Variants in PRKCSH observed in about 807,000 individuals in gnomAD.
PRKCSH encodes glucosidase 2 subunit beta.
Under a neutral mutation model 79.7 loss-of-function variants are expected in PRKCSH, and 42 were observed. The ratio of observed to expected loss-of-function variants is 0.53; its 90% CI spans 0.41 to 0.68. The LOEUF is 0.68. PRKCSH is among the 30% of genes least tolerant of loss of function. The probability of loss-of-function intolerance (pLI) is 0.00; values close to 1 mark genes in which losing one functional copy is unlikely to be tolerated. For synonymous variants in PRKCSH, 325 were observed against 288.2 expected (o/e 1.13, Z -1.29); for missense variants, 686 against 709.0 (o/e 0.97, Z 0.37).
chr19:11,449,490 G>T lies in PRKCSH; in HGVS notation c.*16+62G>T. 1 of 1,604,060 alleles carries T rather than the reference G, an allele frequency of 6.2e-7. No individual in the cohort carries two copies. Among genetic ancestry groups the T allele is most frequent in the South Asian group, 1.1e-5 (1 of 90,740 alleles). ...GCAAGGGGAGGCGGCGGGCCCTGAG[G>T]AAGATGGACCCACATGGCCACTCTA... On this transcript the variant is annotated intron_variant, in intron 17 of 17. Transcript: ENST00000677123. The surrounding 1 kb of genome is among the most constrained non-coding windows in gnomAD (Gnocchi z 6.4).
chr19:11,436,344 A>T (rs1464019111), intron 2 of PRKCSH, 45 bp from the exon 3 acceptor site: 1 of 1,593,280 alleles, frequency 6.3e-7, no homozygotes. Context: ...TATTTGGTGG[A>T]GAAGGCGCTT....
At chr19:11,443,544 C>CAA (rs1209714150) in intron 7 of PRKCSH, among the ~76,000 whole-genome samples, 3 of 103,516 alleles carry the variant, frequency 2.9e-5, no homozygotes, top group Non-Finnish European at 4.1e-5. Flanking sequence ...GACTCCGTCT[C>CAA]AAAAAAAAAA....
rs200168017 is a variant in PRKCSH, at chr19:11,445,418, G to A, written c.628G>A (p.Glu210Lys). Residue 210 changes from glutamate (E) to lysine (K), a missense_variant, in exon 8 of 18, where the codon GAG (glutamate) becomes AAG (lysine). By Grantham distance (56) the Glu-to-Lys change is moderately conservative. Around this residue, in one of 2 missense-constraint regions of PRKCSH, gnomAD observed 549 missense variants for 520.2 expected, o/e 1.06. Transcript: ENST00000677123. ...EQLAAAKAQQEQELAADAFKE... is the reference protein window; with the variant it reads ...EQLAAAKAQQKQELAADAFKE... ...GCTGGCTGCTGCCAAGGCCCAACAG[G>A]AGCAGGAGCTGGCGGCTGATGCCTT... is the stretch of plus-strand genomic sequence containing the variant. 716 of 1,614,078 alleles carry A rather than the reference G, an allele frequency of 4.4e-4. 2 individuals carry two copies. The Middle Eastern group carries it at 9.2e-3, about 21-fold the overall frequency.
At position 11,450,709 on chromosome 19, in the gene PRKCSH, G is replaced by T. The variant is rs1970577357; in HGVS notation, c.*80G>T. 6.6e-6 allele frequency: 1 copy of T among 152,370 alleles called. No homozygotes were observed. Among genetic ancestry groups the T allele is most frequent in the Admixed American group, 6.5e-5 (1 of 15,290 alleles). 9.4% of individuals were successfully genotyped at this position (152,370 alleles called of 1,614,324 possible). On this transcript the variant is annotated 3_prime_UTR_variant, in exon 18 of 18. Coordinates refer to ENST00000677123, the MANE Select transcript of PRKCSH (RefSeq NM_001289104.2). ...TCCACCCGCCCCTCTGGGCCTGCCTGTGGCTCTGTTGCCCTCCTCTGTGGC... is the reference window on the plus strand; with the variant it reads ...TCCACCCGCCCCTCTGGGCCTGCCTTTGGCTCTGTTGCCCTCCTCTGTGGC...
At chr19:11,446,733 C>T (rs1284731955) in intron 9 of PRKCSH, among the ~76,000 whole-genome samples, 2 of 152,046 alleles carry the variant, frequency 1.3e-5, no homozygotes, top group Non-Finnish European at 2.9e-5. Flanking sequence ...TGGGTTTCTC[C>T]CTCTCCATCT....
rs751371447 is a variant in PRKCSH, at chr19:11,447,431, C to T, written c.850-8C>T. On this transcript the variant is annotated splice_polypyrimidine_tract_variant and splice_region_variant and intron_variant, in intron 10 of 17. Coordinates refer to ENST00000677123, the MANE Select transcript of PRKCSH (RefSeq NM_001289104.2). The surrounding 1 kb of genome is among the most constrained non-coding windows in gnomAD (Gnocchi z 5.6). ...TCCACAACACCGACCGCACTGCTCACCCGCCAGGCACTGCCCACCGACCTT... is the reference window on the plus strand; with the variant it reads ...TCCACAACACCGACCGCACTGCTCATCCGCCAGGCACTGCCCACCGACCTT... 1 of 1,613,748 alleles carries T rather than the reference C, an allele frequency of 6.2e-7. No individual in the cohort carries two copies. Among genetic ancestry groups the T allele is most frequent in the Non-Finnish European group, 8.5e-7 (1 of 1,179,942 alleles).
At chr19:11,443,084 A>G (rs988361749) in intron 7 of PRKCSH, among the ~76,000 whole-genome samples, 1 of 151,954 alleles carries the variant, frequency 6.6e-6, no homozygotes, top group East Asian at 1.9e-4. Flanking sequence ...CATTTTTCCT[A>G]TCAGGTGTTT....
Position 11,447,878 on chromosome 19 carries a change from C to A in PRKCSH, c.1126+89C>A. 2.1e-6 allele frequency: 3 copies of A among 1,396,240 alleles called. No homozygotes were observed. The highest frequency in any genetic ancestry group is 2.9e-6 in the Non-Finnish European group (3 of 1,036,340). The allele number at this position is 1,396,240 out of a possible 1,614,324, so 86.5% of individuals were successfully genotyped here. On this transcript the variant is annotated intron_variant, in intron 12 of 17. Transcript: ENST00000677123. This position sits in a 1 kb window ranked among gnomAD's most constrained non-coding sequence, Gnocchi z 5.6. ...GTCGAGGGAAGATCCTGAGCTTAGA[C>A]CCTGCTCTGACTCGGCCAGCACAAG...
At position 11,449,421 on chromosome 19, in the gene PRKCSH, G is replaced by A. The variant is rs1461642771; in HGVS notation, c.*9G>A. 1 of 1,612,954 alleles carries A rather than the reference G, an allele frequency of 6.2e-7. No homozygotes were observed. The highest frequency in any genetic ancestry group is 1.7e-5 in the Admixed American group (1 of 60,012). On this transcript the variant is annotated 3_prime_UTR_variant, in exon 17 of 18. Coordinates refer to ENST00000677123, the MANE Select transcript of PRKCSH (RefSeq NM_001289104.2). The surrounding 1 kb of genome is among the most constrained non-coding windows in gnomAD (Gnocchi z 6.4). ...ACCATGACGAGCTCTAGCTGGATGG[G>A]CGCAGAGGTGGGCGGGGAGGTGGAG...
rs1251437668 is a variant in PRKCSH, at chr19:11,449,456, C to A, written c.*16+28C>A. ...GGGCGGGGAGGTGGAGTCTCGTCGG[C>A]CTGCCCCAGCAAGGGGAGGCGGCGG... On this transcript the variant is annotated intron_variant, in intron 17 of 17. Transcript: ENST00000677123. The surrounding 1 kb of genome is among the most constrained non-coding windows in gnomAD (Gnocchi z 6.4). 1 of 1,611,616 alleles carries A rather than the reference C, an allele frequency of 6.2e-7. No individual in the cohort carries two copies. Among genetic ancestry groups the A allele is most frequent in the Non-Finnish European group, 8.5e-7 (1 of 1,179,570 alleles).
intron 5 of PRKCSH, among the ~76,000 whole-genome samples, chr19:11,440,015 G>A (rs972877257): frequency 6.6e-6 from 1 of 151,736 alleles, no homozygotes; most frequent in Non-Finnish European, 1.5e-5. Flanking sequence ...GGCCTGGGAA[G>A]CAGAGGTTGC....
chr19:11,446,334 C>T lies in PRKCSH; in HGVS notation c.746C>T (p.Ser249Leu). ...GACACAGATGGGGATGGGGCGTTGT[C>T]AGAAGCGGAAGCTCAGGTACCCCCG... Reference protein sequence around the residue: ...ELDTDGDGALSEAEAQALLSG... With the variant: ...ELDTDGDGALLEAEAQALLSG... Residue 249 changes from serine to leucine, a missense_variant, in exon 9 of 18, where the codon TCA becomes TTA. By Grantham distance (145) the Ser-to-Leu change is moderately radical (BLOSUM62 -2). Around this residue, in one of 2 missense-constraint regions of PRKCSH, gnomAD observed 549 missense variants for 520.2 expected, o/e 1.06. Coordinates refer to ENST00000677123, the MANE Select transcript of PRKCSH (RefSeq NM_001289104.2). 1 of 1,613,724 alleles carries T rather than the reference C, an allele frequency of 6.2e-7. No homozygotes were observed. The highest frequency in any genetic ancestry group is 1.1e-5 in the South Asian group (1 of 91,034).
chr19:11,447,085 T>C lies in PRKCSH; in HGVS notation c.774T>C (p.Ser258=). 1.9e-6 allele frequency: 3 copies of C among 1,613,790 alleles called. No individual in the cohort carries two copies. The highest frequency in any genetic ancestry group is 1.1e-5 in the South Asian group (1 of 91,082). Residue 258 remains serine, a synonymous_variant, in exon 10 of 18, where the codon AGT becomes AGC. Transcript: ENST00000677123. The surrounding 1 kb of genome is among the most constrained non-coding windows in gnomAD (Gnocchi z 5.6). ...LSEAEAQALL[S]GDTQTDATSF... is the part of the protein sequence containing the mutation. ...CCCAACACACACAGGCCCTCCTCAG[T>C]GGGGACACACAGACAGACGCCACCT...
At chr19:11,441,451 G>T in intron 6 of PRKCSH, 94 bp downstream of exon 6, 2 of 1,147,140 alleles carry the variant, frequency 1.7e-6, no homozygotes, top group African/African-American at 1.5e-5. Flanking sequence ...GCCCCTGACT[G>T]CTGTTCTGGG....
chr19:11,436,616 G>A, intron 3 of PRKCSH, 111 bp downstream of exon 3: 1 of 935,112 alleles, frequency 1.1e-6, no homozygotes, highest in Non-Finnish European at 1.7e-6. Context: ...TGAGTGGGCA[G>A]AAACAAGCTC....
intron 7 of PRKCSH, 28 bp downstream of exon 7, chr19:11,442,543 C>T: frequency 1.2e-6 from 2 of 1,605,858 alleles, no homozygotes; most frequent in Non-Finnish European, 1.7e-6. Flanking sequence ...AAGGACTCAC[C>T]TTCAGTCCTG....
Position 11,448,269 on chromosome 19 carries a change from A to G in PRKCSH, c.1174A>G (p.Lys392Glu). 6.4e-7 allele frequency: 1 copy of G among 1,572,652 alleles called. No homozygotes were observed. The highest frequency in any genetic ancestry group is 8.6e-7 in the Non-Finnish European group (1 of 1,158,598). Residue 392 changes from lysine (K) to glutamate (E), a missense_variant, in exon 13 of 18, where the codon AAG (lysine) becomes GAG (glutamate). Physicochemically the swap from Lys to Glu is moderately conservative, Grantham distance 56 (BLOSUM62 1). Around this residue, in one of 2 missense-constraint regions of PRKCSH, gnomAD observed 549 missense variants for 520.2 expected, o/e 1.06. Transcript: ENST00000677123. The surrounding 1 kb of genome is among the most constrained non-coding windows in gnomAD (Gnocchi z 4.4). Reference sequence around the variant, plus strand: ...GTTCGAGGAGGCCGAGCGGTCGCTGAAGGACATGGAGGAGTCCATCAGGTA... The same window carrying G: ...GTTCGAGGAGGCCGAGCGGTCGCTGGAGGACATGGAGGAGTCCATCAGGTA... Reference protein sequence around the residue: ...NKFEEAERSLKDMEESIRNLE... With the variant: ...NKFEEAERSLEDMEESIRNLE...
chr19:11,447,419 C>T lies in PRKCSH; in HGVS notation c.850-20C>T. The T allele has an allele frequency of 6.2e-7, 1 of 1,612,446 alleles. No individual in the cohort carries two copies. The highest frequency in any genetic ancestry group is 1.1e-5 in the South Asian group (1 of 91,002). The stretch of plus-strand genomic sequence containing the variant: ...GTGGACCCTGAGTCCACAACACCGA[C>T]CGCACTGCTCACCCGCCAGGCACTG... On this transcript the variant is annotated intron_variant, in intron 10 of 17. Coordinates refer to ENST00000677123, the MANE Select transcript of PRKCSH (RefSeq NM_001289104.2). This position sits in a 1 kb window ranked among gnomAD's most constrained non-coding sequence, Gnocchi z 5.6.
Position 11,447,779 on chromosome 19 carries a change from C to A in PRKCSH, c.1116C>A (p.Ala372=). The A allele has an allele frequency of 6.3e-7, 1 of 1,578,932 alleles. No individual in the cohort carries two copies. Among genetic ancestry groups the A allele is most frequent in the Non-Finnish European group, 8.6e-7 (1 of 1,163,742 alleles). The part of the protein sequence containing the change: ...KMPPYDEQTQ[A]FIDAAQEARN... Reference sequence around the variant, plus strand: ...CGCCCTACGACGAGCAGACGCAGGCCTTCATCGATGGTGAGGGTGGGCGGG... The same window carrying A: ...CGCCCTACGACGAGCAGACGCAGGCATTCATCGATGGTGAGGGTGGGCGGG... The change falls in exon 12 of 18, where the codon GCC becomes GCA. Residue 372 remains alanine, a synonymous_variant. Transcript: ENST00000677123. The surrounding 1 kb of genome is among the most constrained non-coding windows in gnomAD (Gnocchi z 5.6).
Sources: gnomAD v4.1 joint callset for allele counts (sites outside exome capture counted in the v4.1 genomes callset) on GRCh38, gnomAD v4.1.1 for gene constraint, gnomAD v4.1.1 regional missense constraint, Gnocchi (gnomAD v3.1) non-coding constraint, MANE v1.5 for transcripts, NCBI Gene and HGNC (gene_info 2026-07-23, HGNC 2026-07-21) for gene names.